Variants in CPED1 observed in about 807,000 individuals in gnomAD.
CPED1 encodes cadherin-like and PC-esterase domain-containing protein 1.
In CPED1, 114 loss-of-function variants were observed where a neutral mutation model predicts 128.2. The observed-to-expected ratio is 0.89, with a 90% CI of 0.76 to 1.04. The LOEUF (loss-of-function observed/expected upper bound fraction) is 1.04. CPED1 is among the 50% of genes least tolerant of loss of function. CPED1 has a pLI of 0.00. For synonymous variants in CPED1, 462 were observed against 426.7 expected, an observed-to-expected ratio of 1.08 and a Z score of -1.02; for missense variants, 1,211 against 1,207.1, an observed-to-expected ratio of 1.00 and a Z score of -0.05.
At chr7:121,211,292 A>C (rs988370486) in intron 16 of CPED1, among the ~76,000 whole-genome samples, 27 of 152,118 alleles carry the variant, frequency 1.8e-4, no homozygotes, top group South Asian at 6.2e-4. Flanking sequence ...ATTTCCAATT[A>C]AAAGGAACAC....
chr7:121,186,926 G>A (rs951836963), intron 16 of CPED1, among the ~76,000 whole-genome samples: 5 of 152,126 alleles, frequency 3.3e-5, no homozygotes, highest in African/African-American at 1.2e-4. Context: ...CATTAGTGTG[G>A]TCTACTCTGA....
chr7:121,183,802 A>C (rs942086321), intron 16 of CPED1, among the ~76,000 whole-genome samples: 3 of 152,202 alleles, frequency 2.0e-5, no homozygotes, highest in African/African-American at 7.2e-5. Flanking sequence ...TAACTGGAAA[A>C]GTATTAGACT....
rs1801865862 is a variant in CPED1, at chr7:121,244,239, C to A, written c.2211C>A (p.Asn737Lys). ...WIVPCLSCSD[N>K]RTCDWREITW... ...TGCCTTGCCTTAGTTGTTCGGACAA[C>A]AGGACGTGTGACTGGAGAGAAATAA... The change falls in exon 18 of 23, where the codon AAC becomes AAA. Residue 737 changes from asparagine to lysine, a missense_variant. By Grantham distance (94) the Asn-to-Lys change is moderately conservative (BLOSUM62 0). Transcript: ENST00000310396. The A allele has an allele frequency of 6.2e-7, 1 of 1,614,030 alleles. No individual in the cohort carries two copies. The highest frequency in any genetic ancestry group is 8.5e-7 in the Non-Finnish European group (1 of 1,180,018).
chr7:121,235,191 A>T (rs761643281), intron 16 of CPED1, among the ~76,000 whole-genome samples: 1 of 152,148 alleles, frequency 6.6e-6, no homozygotes. Flanking sequence ...TAGATATCAC[A>T]CACATACACG....
chr7:121,142,434 A>G (rs1468719325), intron 16 of CPED1, among the ~76,000 whole-genome samples: 1 of 151,970 alleles, frequency 6.6e-6, no homozygotes, highest in Non-Finnish European at 1.5e-5. Context: ...TCGGTTTCAC[A>G]TTTTCCTTTT....
At chr7:121,043,043 C>G (rs1189555407) in intron 3 of CPED1, among the ~76,000 whole-genome samples, 1 of 152,184 alleles carries the variant, frequency 6.6e-6, no homozygotes. Flanking sequence ...AGAAAAGGCA[C>G]ATCGAGAAAG....
At chr7:121,275,719 T>C (rs1310854450) in intron 22 of CPED1, among the ~76,000 whole-genome samples, 1 of 152,068 alleles carries the variant, frequency 6.6e-6, no homozygotes, top group Non-Finnish European at 1.5e-5. Flanking sequence ...TCTGGTACTA[T>C]AGAAAGAAGA....
intron 16 of CPED1, among the ~76,000 whole-genome samples, chr7:121,158,725 A>C (rs1226172724): frequency 6.6e-6 from 1 of 152,140 alleles, no homozygotes; most frequent in South Asian, 2.1e-4. Flanking sequence ...TCTAGCCCTT[A>C]AAAAGAGTAC....
At chr7:121,114,885 C>G (rs1795199550) in intron 7 of CPED1, among the ~76,000 whole-genome samples, 1 of 152,188 alleles carries the variant, frequency 6.6e-6, no homozygotes, top group South Asian at 2.1e-4. Context: ...CTACTGTTTA[C>G]TGTGTGCATA....
In CPED1 at chr7:121,127,117, TATG is replaced by T; in HGVS notation, c.1165_1167del (p.Asp389del). 1 of 1,597,318 alleles carries T rather than the reference TATG, an allele frequency of 6.3e-7. No homozygotes were observed. ...ACACGAGCATTTAAATTTTCAAGAT[TATG>T]ATAATATGGATTTTGAGGACCAAAA... is the stretch of plus-strand genomic sequence containing the variant. On this transcript the variant is annotated inframe_deletion, in exon 10 of 23. Transcript: ENST00000310396.
At chr7:121,091,401 T>G (rs1794569151) in intron 5 of CPED1, among the ~76,000 whole-genome samples, 1 of 152,186 alleles carries the variant, frequency 6.6e-6, no homozygotes, top group South Asian at 2.1e-4. Flanking sequence ...AAGAGAGTAA[T>G]GTCAAATACC....
chr7:121,046,729 T>G (rs1411594608), intron 3 of CPED1, among the ~76,000 whole-genome samples, 158 bp from the exon 4 acceptor site: 2 of 152,124 alleles, frequency 1.3e-5, no homozygotes, highest in African/African-American at 4.8e-5. Context: ...AAAGTTGAAT[T>G]TTAGTTATTT....
chr7:121,234,980 G>C (rs1395337903), intron 16 of CPED1, among the ~76,000 whole-genome samples: 1 of 152,092 alleles, frequency 6.6e-6, no homozygotes, highest in Non-Finnish European at 1.5e-5. Context: ...GGGTTGCAGA[G>C]TCTCTGCACT....
chr7:121,287,737 T>A (rs2116783914), intron 22 of CPED1, among the ~76,000 whole-genome samples: 1 of 152,314 alleles, frequency 6.6e-6, no homozygotes, highest in Non-Finnish European at 1.5e-5. Context: ...ACAATTGGAA[T>A]GGCATTTTAA....
intron 16 of CPED1, among the ~76,000 whole-genome samples, chr7:121,145,858 C>A (rs568797086): frequency 6.6e-6 from 1 of 151,814 alleles, no homozygotes; most frequent in East Asian, 1.9e-4. Context: ...TAGAGTCAAA[C>A]TGTTGCAGAT....
chr7:121,151,908 T>C (rs1359698811), intron 16 of CPED1, among the ~76,000 whole-genome samples: 1 of 152,158 alleles, frequency 6.6e-6, no homozygotes, highest in East Asian at 1.9e-4. Flanking sequence ...AGGAACAAGA[T>C]TGGGGGATGG....
At chr7:121,071,023 A>T (rs888681523) in intron 5 of CPED1, among the ~76,000 whole-genome samples, 1 of 152,164 alleles carries the variant, frequency 6.6e-6, no homozygotes, top group Admixed American at 6.6e-5. Context: ...GGCATGTGAC[A>T]TAACAAATTT....
At position 121,211,752 on chromosome 7, in the gene CPED1, A is replaced by AT. The variant is rs1283324580; in HGVS notation, c.2056-24962_2056-24961insT. On this transcript the variant is annotated intron_variant, in intron 16 of 22. Coordinates refer to ENST00000310396, the MANE Select transcript of CPED1 (RefSeq NM_024913.5). ...GCTTTTTAAAGTGAAAACTGTGGAGACTTAGAAATATGTGATCTATAAGAA... is the reference window on the plus strand; with the variant it reads ...GCTTTTTAAAGTGAAAACTGTGGAGATCTTAGAAATATGTGATCTATAAGAA... Among the ~76,000 whole-genome samples, 99 of 152,130 alleles carry AT rather than the reference A, an allele frequency of 6.5e-4. 1 individual carries two copies. Among genetic ancestry groups the AT allele is most frequent in the African/African-American group, 2.4e-3 (98 of 41,550 alleles).
At chr7:121,213,580 A>G (rs1318087885) in intron 16 of CPED1, among the ~76,000 whole-genome samples, 3 of 152,020 alleles carry the variant, frequency 2.0e-5, no homozygotes, top group African/African-American at 4.8e-5. Context: ...AATCTATGCA[A>G]TGGATACCCA....
Sources: allele counts gnomAD v4.1 joint callset (sites outside exome capture counted in the v4.1 genomes callset), GRCh38; gene constraint gnomAD v4.1.1; transcripts MANE v1.5; gene names NCBI Gene and HGNC (gene_info 2026-07-23, HGNC 2026-07-21).